Variants in FANK1 observed in about 807,000 individuals in gnomAD.
The protein encoded by FANK1 is fibronectin type III and ankyrin repeat domains 1.
FANK1 carries 44 observed loss-of-function variants against 45.3 expected under a neutral mutation model. That is an observed-to-expected ratio of 0.97 (90% confidence interval 0.76 to 1.25). The LOEUF (loss-of-function observed/expected upper bound fraction) is 1.25, where lower values mean the gene tolerates loss of function less well. Among genes scored for constraint, FANK1 ranks in the 50% most tolerant of loss-of-function variants. The probability of loss-of-function intolerance (pLI) is 0.00; values close to 1 mark genes in which losing one functional copy is unlikely to be tolerated. For synonymous variants in FANK1, 149 were observed against 152.5 expected (o/e 0.98, Z 0.17); for missense variants, 391 against 424.4 (o/e 0.92, Z 0.69).
intron 1 of FANK1, among the ~76,000 whole-genome samples, chr10:125,947,260 A>C (rs1279638634): frequency 6.6e-6 from 1 of 150,626 alleles, no homozygotes; most frequent in Admixed American, 6.6e-5. Context: ...TTCACACATA[A>C]CAATATTAAC....
At chr10:125,999,080 G>A (rs1185482776) in intron 6 of FANK1, among the ~76,000 whole-genome samples, 4 of 152,120 alleles carry the variant, frequency 2.6e-5, no homozygotes, top group African/African-American at 7.2e-5. Flanking sequence ...CAGAGGGTAA[G>A]GTATTAGGAA....
chr10:125,936,479 C>T lies in FANK1; in HGVS notation c.13+39824C>T, dbSNP rs150454355. Among the ~76,000 whole-genome samples the T allele has an allele frequency of 6.9e-4, 104 of 151,336 alleles. No homozygotes were observed. The South Asian group carries it at 9.6e-3, about 14-fold the overall frequency. On this transcript the variant is annotated intron_variant, in intron 1 of 10. Coordinates refer to ENST00000368693, the MANE Select transcript of FANK1 (RefSeq NM_145235.5). ...AATTGCCACAACCCCAGAAGTACCT[C>T]CTCTTCTTCCTTTCCGGATTCAATC...
In FANK1 at chr10:125,983,714, T is replaced by A. The variant is rs1388467767; in HGVS notation, c.191+3376T>A. The stretch of plus-strand genomic sequence containing the variant: ...ACAGAGGGAACAAGGAGGAAAATAA[T>A]GGGGGCGAGGGCAGCTGGGTCATGA... On this transcript the variant is annotated intron_variant, in intron 2 of 10. Coordinates refer to ENST00000368693, the MANE Select transcript of FANK1 (RefSeq NM_145235.5). The surrounding 1 kb of genome is among the most constrained non-coding windows in gnomAD (Gnocchi z 4.3). Among the ~76,000 whole-genome samples, 4 of 151,896 alleles carry A rather than the reference T, an allele frequency of 2.6e-5. No individual in the cohort carries two copies. Among genetic ancestry groups the A allele is most frequent in the African/African-American group, 9.7e-5 (4 of 41,338 alleles).
chr10:125,994,564 A>G, intron 3 of FANK1: 1 of 985,414 alleles, frequency 1.0e-6, no homozygotes, highest in South Asian at 4.7e-5. Context: ...TGTGCTGGGT[A>G]CTTACGATGT....
intron 2 of FANK1, among the ~76,000 whole-genome samples, chr10:125,984,559 C>T (rs1207549357): frequency 4.6e-5 from 7 of 152,006 alleles, no homozygotes; most frequent in African/African-American, 9.7e-5. Flanking sequence ...AACTGTCTGA[C>T]GTCCAAGCCG....
chr10:125,913,161 TG>T (rs1205465440), intron 1 of FANK1, among the ~76,000 whole-genome samples: 1 of 152,204 alleles, frequency 6.6e-6, no homozygotes, highest in Non-Finnish European at 1.5e-5. Context: ...TGTTCTGAAT[TG>T]GTGATTATCA....
Position 125,983,028 on chromosome 10 carries a change from T to C in FANK1, c.191+2690T>C, listed in dbSNP as rs532455555. Among the ~76,000 whole-genome samples, 49 of 152,176 alleles carry C rather than the reference T, an allele frequency of 3.2e-4. No homozygotes were observed. The highest frequency in any genetic ancestry group is 1.2e-3 in the African/African-American group (49 of 41,518). ...ATTGCTTAAAGGATAAAGGCCAAAT[T>C]CCTTAGACTAACATTTAATGTCTTT... On this transcript the variant is annotated intron_variant, in intron 2 of 10. Transcript: ENST00000368693. This position sits in a 1 kb window ranked among gnomAD's most constrained non-coding sequence, Gnocchi z 4.3.
Position 125,918,767 on chromosome 10 carries a change from CAGAA to C in FANK1, c.13+22116_13+22119del, listed in dbSNP as rs1014152403. ...GTTCACAGATGAGGAAACTGAGGCTCAGAAAGATTATTTATTTGAAGTCTTACAT... is the reference window on the plus strand; with the variant it reads ...GTTCACAGATGAGGAAACTGAGGCTCAGATTATTTATTTGAAGTCTTACAT... On this transcript the variant is annotated intron_variant, in intron 1 of 10. Transcript: ENST00000368693. Among the ~76,000 whole-genome samples, 20 of 151,262 alleles carry C rather than the reference CAGAA, an allele frequency of 1.3e-4. No individual in the cohort carries two copies. The East Asian group carries it at 1.7e-3, about 13-fold the overall frequency.
At chr10:125,936,164 A>T (rs530201060) in intron 1 of FANK1, among the ~76,000 whole-genome samples, 3 of 152,286 alleles carry the variant, frequency 2.0e-5, no homozygotes, top group African/African-American at 7.2e-5. Context: ...CAAACACCAG[A>T]CTTCATAAGG....
At chr10:125,992,774 G>A (rs909800899) in intron 3 of FANK1, among the ~76,000 whole-genome samples, 3 of 152,006 alleles carry the variant, frequency 2.0e-5, no homozygotes, top group African/African-American at 7.3e-5. Flanking sequence ...AGGGGTCGGT[G>A]TAGAGAGGTG....
Position 125,926,877 on chromosome 10 carries a change from A to AT in FANK1, c.13+30230dup, listed in dbSNP as rs66539403. 1.9e-4 allele frequency among the ~76,000 whole-genome samples: 27 copies of AT among 141,118 alleles called. No homozygotes were observed. The South Asian group carries it at 1.9e-3, about 10-fold the overall frequency. The allele number at this position is 141,118 out of a possible 152,430, so 92.6% of individuals were successfully genotyped here. A position where few individuals can be genotyped will look rare whatever the true frequency, so the allele number is the denominator to read the frequency against. ...CTCTATTATGTTAGTCTCATACTTA[A>AT]TTTTTTTTATTGTGGTATAAGAGGC... On this transcript the variant is annotated intron_variant, in intron 1 of 10. Coordinates refer to ENST00000368693, the MANE Select transcript of FANK1 (RefSeq NM_145235.5).
At chr10:125,922,108 A>G (rs1404808622) in intron 1 of FANK1, among the ~76,000 whole-genome samples, 3 of 152,164 alleles carry the variant, frequency 2.0e-5, no homozygotes, top group Non-Finnish European at 4.4e-5. Context: ...ATATTTTGAT[A>G]AGATGATGTC....
intron 1 of FANK1, among the ~76,000 whole-genome samples, chr10:125,970,211 G>A (rs1353797673): frequency 1.3e-5 from 2 of 152,078 alleles, no homozygotes; most frequent in Non-Finnish European, 2.9e-5. Context: ...CTGGGCAGAG[G>A]GGCCCCCCAC....
At chr10:125,950,508 A>G (rs1051190268) in intron 1 of FANK1, among the ~76,000 whole-genome samples, 2 of 152,128 alleles carry the variant, frequency 1.3e-5, no homozygotes, top group Admixed American at 6.6e-5. Flanking sequence ...CAAAAAACAC[A>G]TGAAAAAATG....
chr10:126,001,450 G>A (rs1431967993), intron 6 of FANK1, among the ~76,000 whole-genome samples: 1 of 151,388 alleles, frequency 6.6e-6, no homozygotes, highest in Non-Finnish European at 1.5e-5. Flanking sequence ...AGCTAGGAAT[G>A]TGACCCTGAG....
intron 1 of FANK1, among the ~76,000 whole-genome samples, chr10:125,936,927 C>A (rs895130443): frequency 2.6e-5 from 4 of 151,894 alleles, no homozygotes; most frequent in Non-Finnish European, 5.9e-5. Context: ...ATTAGCCAGG[C>A]GTGGTGGTGC....
chr10:125,938,377 G>C (rs1948237341), intron 1 of FANK1, among the ~76,000 whole-genome samples: 1 of 152,194 alleles, frequency 6.6e-6, no homozygotes, highest in South Asian at 2.1e-4. Flanking sequence ...TGAGACCTCA[G>C]TTGCTAAATA....
rs560898551 is a variant in FANK1 at position 125,952,489 on chromosome 10, A to G, written c.14-27672A>G. ...CTGTTTAAAAAAAAGTTCAGAGAAG[A>G]TGTTTTTTACTGAGCTCTGACCCAA... is the stretch of plus-strand genomic sequence containing the variant. On this transcript the variant is annotated intron_variant, in intron 1 of 10. Transcript: ENST00000368693. 2.0e-5 allele frequency among the ~76,000 whole-genome samples: 3 copies of G among 152,232 alleles called. No individual in the cohort carries two copies. In the South Asian group the frequency reaches 6.2e-4, roughly 32 times the overall value.
chr10:125,921,190 C>G lies in FANK1; in HGVS notation c.13+24535C>G, dbSNP rs894933387. ...GGTAGATTACAAAATTATATGATCACTCCAAAAATTACCTTGCCCTTTATA... is the reference window on the plus strand; with the variant it reads ...GGTAGATTACAAAATTATATGATCAGTCCAAAAATTACCTTGCCCTTTATA... On this transcript the variant is annotated intron_variant, in intron 1 of 10. Transcript: ENST00000368693. Among the ~76,000 whole-genome samples, 25 of 152,302 alleles carry G rather than the reference C, an allele frequency of 1.6e-4. 1 individual carries two copies. Among genetic ancestry groups the G allele is most frequent in the Admixed American group, 1.0e-3 (16 of 15,302 alleles).
Sources: allele counts gnomAD v4.1 joint callset (sites outside exome capture counted in the v4.1 genomes callset), GRCh38; gene constraint gnomAD v4.1.1; non-coding constraint Gnocchi (gnomAD v3.1); transcripts MANE v1.5; gene names NCBI Gene and HGNC (gene_info 2026-07-23, HGNC 2026-07-21).